The following DIP2C variants were observed in gnomAD, a reference collection of about 807,000 sequenced individuals.
DIP2C encodes the protein DIP2 acetate--CoA ligase C (putative).
DIP2C carries 33 observed loss-of-function variants against 192.4 expected under a neutral mutation model. The ratio of observed to expected loss-of-function variants is 0.17; its 90% CI spans 0.13 to 0.23. The LOEUF is 0.23. Among genes scored for constraint, DIP2C ranks in the 10% least tolerant of loss-of-function variants. DIP2C has a pLI of 1.00. For missense variants in DIP2C, 1,537 were observed against 2,110.1 expected, an observed-to-expected ratio of 0.73 and a Z score of 5.32; for synonymous variants, 979 against 864.1, an observed-to-expected ratio of 1.13 and a Z score of -2.33.
chr10:344,428 A>G (rs886557167), intron 28 of DIP2C, among the ~76,000 whole-genome samples: 1 of 151,964 alleles, frequency 6.6e-6, no homozygotes, highest in Non-Finnish European at 1.5e-5. Context: ...CACCTCGGCA[A>G]GGGCGGCATC....
intron 32 of DIP2C, among the ~76,000 whole-genome samples, chr10:299,863 A>T (rs1052683986): frequency 6.6e-6 from 1 of 152,226 alleles, no homozygotes; most frequent in Non-Finnish European, 1.5e-5. Flanking sequence ...AAACTTGAAT[A>T]GTCATTTCTC....
At chr10:611,109 G>A (rs1395635245) in intron 1 of DIP2C, among the ~76,000 whole-genome samples, 1 of 152,150 alleles carries the variant, frequency 6.6e-6, no homozygotes, top group Non-Finnish European at 1.5e-5. Context: ...TCATGAGGGA[G>A]GTTTCTAATG....
Position 563,696 on chromosome 10 carries a change from T to C in DIP2C, c.86-77166A>G, listed in dbSNP as rs549694686. ...ATTAACCAGTGCTGATTACATTGCA[T>C]TTGATTACAGCAGCCAAAGATGCGT... On this transcript the variant is annotated intron_variant, in intron 1 of 36. Transcript: ENST00000280886. Among the ~76,000 whole-genome samples, 13 of 152,368 alleles carry C rather than the reference T, an allele frequency of 8.5e-5. 2 individuals carry two copies. In the South Asian group the frequency reaches 2.7e-3, roughly 32 times the overall value.
intron 7 of DIP2C, among the ~76,000 whole-genome samples, chr10:414,725 G>GTATA (rs1340908987): frequency 3.0e-4 from 21 of 69,738 alleles, no homozygotes; most frequent in African/African-American, 1.1e-3. Flanking sequence ...GTGTGTGTGT[G>GTATA]TGTGTGTGTG....
Position 469,315 on chromosome 10 carries a change from A to AT in DIP2C, c.268+3123dup, listed in dbSNP as rs11348709. Among the ~76,000 whole-genome samples the AT allele has an allele frequency of 5.6e-3, 575 of 102,270 alleles. 6 individuals carry two copies. The highest frequency in any genetic ancestry group is 0.014 in the African/African-American group (440 of 30,878). The allele number at this position is 102,270 out of a possible 152,430, so 67.1% of individuals were successfully genotyped here. A position where few individuals can be genotyped will look rare whatever the true frequency, so the allele number is the denominator to read the frequency against. Reference sequence around the variant, plus strand: ...CATTTCTCAAATCTCACTGGTACTGATTTTTTTTTTTTTTTTTTTGAGACA... The same window carrying AT: ...CATTTCTCAAATCTCACTGGTACTGATTTTTTTTTTTTTTTTTTTTGAGACA... On this transcript the variant is annotated intron_variant, in intron 3 of 36. Coordinates refer to ENST00000280886, the MANE Select transcript of DIP2C (RefSeq NM_014974.3).
chr10:353,498 C>G (rs764548878), intron 24 of DIP2C, among the ~76,000 whole-genome samples: 1 of 151,474 alleles, frequency 6.6e-6, no homozygotes, highest in Admixed American at 6.5e-5. Flanking sequence ...AAGCGACTCT[C>G]GTGCTTCCAG....
At chr10:507,089 C>T (rs1319767798) in intron 1 of DIP2C, among the ~76,000 whole-genome samples, 3 of 151,942 alleles carry the variant, frequency 2.0e-5, no homozygotes, top group Admixed American at 6.6e-5. Flanking sequence ...CCCGGTCACC[C>T]GCTGTGCACG....
intron 1 of DIP2C, among the ~76,000 whole-genome samples, chr10:525,576 G>A (rs1847001515): frequency 1.3e-5 from 2 of 152,188 alleles, no homozygotes; most frequent in South Asian, 4.1e-4. Flanking sequence ...TATGATCTTG[G>A]CTGCTTTACA....
chr10:562,249 TCAC>T (rs1346294532), intron 1 of DIP2C, among the ~76,000 whole-genome samples: 3 of 152,204 alleles, frequency 2.0e-5, no homozygotes, highest in African/African-American at 7.2e-5. Context: ...TTTTCCCTGT[TCAC>T]CAACATCATC....
intron 1 of DIP2C, among the ~76,000 whole-genome samples, chr10:511,235 C>A (rs1016267296): frequency 1.3e-5 from 2 of 152,200 alleles, no homozygotes; most frequent in African/African-American, 4.8e-5. Flanking sequence ...GGAGTTCCTG[C>A]AAACTCGCCT....
intron 1 of DIP2C, among the ~76,000 whole-genome samples, chr10:502,511 G>T (rs975681021): frequency 6.6e-6 from 1 of 152,036 alleles, no homozygotes; most frequent in African/African-American, 2.4e-5. Context: ...GCCAGAAAAA[G>T]ACATCATAAT....
intron 1 of DIP2C, among the ~76,000 whole-genome samples, chr10:632,547 C>A (rs1226909943): frequency 2.5e-5 from 1 of 39,674 alleles, no homozygotes; most frequent in Admixed American, 2.3e-4. Context: ...CACGCGGGCA[C>A]CGGTGTGAAC....
chr10:528,395 G>A (rs907991692), intron 1 of DIP2C, among the ~76,000 whole-genome samples: 2 of 150,020 alleles, frequency 1.3e-5, no homozygotes, highest in Admixed American at 1.3e-4. Flanking sequence ...CCCCCAGAAC[G>A]CAGACCGCCC....
At chr10:436,344 C>T (rs1269229199) in intron 4 of DIP2C, among the ~76,000 whole-genome samples, 6 of 152,346 alleles carry the variant, frequency 3.9e-5, no homozygotes, top group East Asian at 3.9e-4. Context: ...TAGCAGGCAG[C>T]GCAGGCACTG....
At chr10:558,021 CAG>C (rs892293313) in intron 1 of DIP2C, among the ~76,000 whole-genome samples, 8 of 152,112 alleles carry the variant, frequency 5.3e-5, no homozygotes, top group Non-Finnish European at 1.2e-4. Context: ...GGACACATGA[CAG>C]AATTATAATA....
chr10:432,079 G>A (rs1326726307), intron 4 of DIP2C, among the ~76,000 whole-genome samples: 2 of 151,646 alleles, frequency 1.3e-5, no homozygotes, highest in Non-Finnish European at 2.9e-5. Context: ...TGGTTTTGGT[G>A]CACAATTTTT....
At chr10:505,139 C>G (rs1236340271) in intron 1 of DIP2C, among the ~76,000 whole-genome samples, 1 of 152,184 alleles carries the variant, frequency 6.6e-6, no homozygotes, top group Non-Finnish European at 1.5e-5. Flanking sequence ...GAAAACTGTA[C>G]AGAAAACGGC....
intron 31 of DIP2C, among the ~76,000 whole-genome samples, chr10:319,916 C>T (rs768899990): frequency 1.3e-5 from 2 of 152,182 alleles, no homozygotes; most frequent in African/African-American, 2.4e-5. Flanking sequence ...CATGGGAAGA[C>T]CTAACTAGAT....
At chr10:663,019 G>A (rs1856857293) in intron 1 of DIP2C, 3 of 699,418 alleles carry the variant, frequency 4.3e-6, no homozygotes, top group Non-Finnish European at 8.0e-6. Flanking sequence ...CTATGTCCAG[G>A]AAAGACTCTA....
Sources: allele counts gnomAD v4.1 joint callset (sites outside exome capture counted in the v4.1 genomes callset), GRCh38; gene constraint gnomAD v4.1.1; transcripts MANE v1.5; gene names NCBI Gene and HGNC (gene_info 2026-07-23, HGNC 2026-07-21).